The following OPCML variants were observed in gnomAD, a reference collection of about 807,000 sequenced individuals.
The protein encoded by OPCML is opioid-binding protein/cell adhesion molecule.
Under a neutral mutation model 37.8 loss-of-function variants are expected in OPCML, and 13 were observed. That is an observed-to-expected ratio of 0.34 (90% CI 0.22 to 0.55). The LOEUF (loss-of-function observed/expected upper bound fraction) is 0.55, where lower values mean the gene tolerates loss of function less well. Ranked by LOEUF, OPCML falls within the 20% of genes least tolerant of loss-of-function variation. The pLI is 0.91. For synonymous variants in OPCML, 176 were observed against 168.8 expected (o/e 1.04, Z -0.33); for missense variants, 341 against 435.6 (o/e 0.78, Z 1.93).
intron 1 of OPCML, among the ~76,000 whole-genome samples, chr11:133,230,250 A>C (rs1202938043): frequency 6.6e-6 from 1 of 152,186 alleles, no homozygotes; most frequent in Non-Finnish European, 1.5e-5. Context: ...GGGAACACTC[A>C]TCTTGGCTCA....
chr11:132,505,364 T>C (rs972298216), intron 4 of OPCML, among the ~76,000 whole-genome samples: 2 of 152,106 alleles, frequency 1.3e-5, no homozygotes, highest in Admixed American at 1.3e-4. Flanking sequence ...GCCGTACACT[T>C]AAAAAGGTTA....
At chr11:132,479,618 T>C (rs1463670001) in intron 4 of OPCML, among the ~76,000 whole-genome samples, 1 of 152,194 alleles carries the variant, frequency 6.6e-6, no homozygotes. Context: ...CAGACTTAAA[T>C]GTCCCTGTCT....
At chr11:132,591,185 C>A (rs949637586) in intron 3 of OPCML, among the ~76,000 whole-genome samples, 7 of 152,188 alleles carry the variant, frequency 4.6e-5, no homozygotes, top group African/African-American at 1.2e-4. Context: ...TCATCGCCCC[C>A]CTTTGGAGTT....
intron 1 of OPCML, among the ~76,000 whole-genome samples, chr11:133,393,423 G>A (rs1945217839): frequency 6.6e-6 from 1 of 152,190 alleles, no homozygotes; most frequent in African/African-American, 2.4e-5. Context: ...CAGATTATGA[G>A]AATCAACTGT....
chr11:133,007,260 T>C, intron 1 of OPCML: 1 of 985,436 alleles, frequency 1.0e-6, no homozygotes, highest in Non-Finnish European at 1.2e-6. Context: ...TGTGGTTATA[T>C]TCAAAATAAC....
intron 4 of OPCML, among the ~76,000 whole-genome samples, chr11:132,516,776 C>A (rs1216093873): frequency 1.3e-5 from 2 of 152,144 alleles, no homozygotes; most frequent in Non-Finnish European, 2.9e-5. Flanking sequence ...GGCATGCGTG[C>A]ATTAAATAAA....
At chr11:132,814,292 T>A (rs1168526388) in intron 2 of OPCML, among the ~76,000 whole-genome samples, 1 of 152,306 alleles carries the variant, frequency 6.6e-6, no homozygotes, top group East Asian at 1.9e-4. Context: ...GATGTATTTA[T>A]TATGAGAAAT....
chr11:132,909,166 T>G (rs776238671), intron 2 of OPCML, among the ~76,000 whole-genome samples: 1 of 152,226 alleles, frequency 6.6e-6, no homozygotes, highest in South Asian at 2.1e-4. Context: ...AACAGTCTCC[T>G]GCAGGGCTGT....
At chr11:133,262,406 A>T (rs376420390) in intron 1 of OPCML, among the ~76,000 whole-genome samples, 1 of 152,234 alleles carries the variant, frequency 6.6e-6, no homozygotes, top group Non-Finnish European at 1.5e-5. Flanking sequence ...TAGTACAGAG[A>T]AAAAGAGGAA....
intron 2 of OPCML, among the ~76,000 whole-genome samples, chr11:132,781,838 A>T (rs1012935046): frequency 2.0e-5 from 3 of 151,092 alleles, no homozygotes; most frequent in African/African-American, 7.3e-5. Context: ...TACAAATTTA[A>T]CACCCTCAGA....
intron 1 of OPCML, among the ~76,000 whole-genome samples, chr11:133,248,266 C>A (rs1941015877): frequency 6.6e-6 from 1 of 152,140 alleles, no homozygotes; most frequent in Non-Finnish European, 1.5e-5. Context: ...TTTGAAAATA[C>A]AAGAGAGCAC....
chr11:132,946,703 A>C (rs1286452177), intron 1 of OPCML, among the ~76,000 whole-genome samples: 2 of 152,164 alleles, frequency 1.3e-5, no homozygotes, highest in African/African-American at 4.8e-5. Context: ...TCTCATCCAT[A>C]AGCTCCCGAG....
rs530819766 is a variant in OPCML at position 132,491,576 on chromosome 11, C to G, written c.505+37485G>C. 7.2e-5 allele frequency among the ~76,000 whole-genome samples: 11 copies of G among 152,402 alleles called. No individual in the cohort carries two copies. In the East Asian group the frequency reaches 2.1e-3, roughly 29 times the overall value. On this transcript the variant is annotated intron_variant, in intron 4 of 7. Transcript: ENST00000524381. ...TTAACTGGAATTCCACCCACTCACT[C>G]TCTTTCCCCTTCCCTTGTTTTATTT... is the stretch of plus-strand genomic sequence containing the variant.
At chr11:133,451,308 T>G (rs2136958826) in intron 1 of OPCML, among the ~76,000 whole-genome samples, 1 of 151,910 alleles carries the variant, frequency 6.6e-6, no homozygotes, top group South Asian at 2.1e-4. Flanking sequence ...GAGGAAAATT[T>G]ACACTTAGAA....
chr11:133,517,760 T>C (rs1174109645), intron 1 of OPCML, among the ~76,000 whole-genome samples: 1 of 152,162 alleles, frequency 6.6e-6, no homozygotes, highest in Non-Finnish European at 1.5e-5. Flanking sequence ...AACAAGGTGT[T>C]TCTGAAGAAG....
intron 3 of OPCML, among the ~76,000 whole-genome samples, chr11:132,544,639 A>C (rs1352298155): frequency 6.6e-6 from 1 of 152,174 alleles, no homozygotes; most frequent in African/African-American, 2.4e-5. Context: ...CCAGCATGCC[A>C]GGTAAAAAGC....
At chr11:132,875,191 A>G (rs1033119352) in intron 2 of OPCML, among the ~76,000 whole-genome samples, 3 of 152,216 alleles carry the variant, frequency 2.0e-5, no homozygotes, top group African/African-American at 7.2e-5. Flanking sequence ...CTCATGCTAC[A>G]TTATGAAGCT....
chr11:133,506,523 C>T (rs1318699190), intron 1 of OPCML, among the ~76,000 whole-genome samples: 2 of 152,184 alleles, frequency 1.3e-5, no homozygotes, highest in African/African-American at 2.4e-5. Context: ...TCTACCTGCT[C>T]TGGCGTTGTG....
intron 1 of OPCML, among the ~76,000 whole-genome samples, chr11:133,039,475 C>T (rs2049041406): frequency 6.6e-6 from 1 of 152,202 alleles, no homozygotes; most frequent in African/African-American, 2.4e-5. Context: ...GTGCTATGTG[C>T]ACTCCCTGTC....
Sources: allele counts gnomAD v4.1 joint callset (sites outside exome capture counted in the v4.1 genomes callset), GRCh38; gene constraint gnomAD v4.1.1; transcripts MANE v1.5; gene names NCBI Gene and HGNC (gene_info 2026-07-23, HGNC 2026-07-21).